Variants in KAZN observed in about 807,000 individuals in gnomAD.
KAZN encodes the protein kazrin, periplakin interacting protein.
Under a neutral mutation model 87.4 loss-of-function variants are expected in KAZN, and 40 were observed. The observed-to-expected ratio is 0.46, with a 90% CI of 0.36 to 0.60. The LOEUF (loss-of-function observed/expected upper bound fraction) is 0.60, where lower values mean the gene tolerates loss of function less well. Among genes scored for constraint, KAZN ranks in the 20% least tolerant of loss-of-function variants. The pLI, the probability that KAZN is intolerant of heterozygous loss-of-function variation, is 0.00. For synonymous variants in KAZN, 466 were observed against 458.3 expected, an observed-to-expected ratio of 1.02 and a Z score of -0.22; for missense variants, 898 against 1,073.9, an observed-to-expected ratio of 0.84 and a Z score of 2.29.
At chr1:14,701,341 G>C (rs1641909656) in intron 1 of KAZN, among the ~76,000 whole-genome samples, 2 of 152,180 alleles carry the variant, frequency 1.3e-5, no homozygotes, top group Admixed American at 1.3e-4. Context: ...ATGTTTCCCA[G>C]GCTGGTCGTG....
chr1:14,946,461 C>G (rs1661806544), intron 1 of KAZN, among the ~76,000 whole-genome samples: 2 of 152,036 alleles, frequency 1.3e-5, no homozygotes, highest in Non-Finnish European at 2.9e-5. Context: ...CCTCAGCCTC[C>G]CGAGTCACTG....
At chr1:14,834,476 C>T (rs2100897775) in intron 1 of KAZN, among the ~76,000 whole-genome samples, 1 of 151,736 alleles carries the variant, frequency 6.6e-6, no homozygotes, top group Admixed American at 6.6e-5. Context: ...ATTCTCCTGC[C>T]TCAGCCTCCC....
At chr1:14,630,321 G>C (rs905382095) in intron 1 of KAZN, among the ~76,000 whole-genome samples, 1 of 152,150 alleles carries the variant, frequency 6.6e-6, no homozygotes, top group Non-Finnish European at 1.5e-5. Context: ...GATGGTGGGG[G>C]GAATTTAACT....
rs903206917 is a variant in KAZN, at chr1:14,819,493, C to T, written c.227-141191C>T. On this transcript the variant is annotated intron_variant, in intron 1 of 14. Coordinates refer to ENST00000376030, the MANE Select transcript of KAZN (RefSeq NM_201628.3). The stretch of plus-strand genomic sequence containing the variant: ...CTCCTCCAACCAGTGGGCAGCCTTA[C>T]GAATAAAAACTGGTTTTCCCAAAAA... Among the ~76,000 whole-genome samples, 13 of 152,118 alleles carry T rather than the reference C, an allele frequency of 8.5e-5. 1 individual carries two copies. In the South Asian group the frequency reaches 1.5e-3, roughly 17 times the overall value.
At chr1:14,645,231 A>T (rs928363241) in intron 1 of KAZN, among the ~76,000 whole-genome samples, 3 of 152,070 alleles carry the variant, frequency 2.0e-5, no homozygotes, top group Non-Finnish European at 4.4e-5. Context: ...AAGTCAGGTA[A>T]CATGATGCCT....
chr1:15,043,261 G>A (rs1327007434), intron 3 of KAZN, among the ~76,000 whole-genome samples: 1 of 152,212 alleles, frequency 6.6e-6, no homozygotes, highest in Non-Finnish European at 1.5e-5. Context: ...GTTTCCCTGT[G>A]ATGAACACAA....
chr1:14,521,743 T>C (rs1020680082), intron 2 of KAZN, among the ~76,000 whole-genome samples: 1 of 152,096 alleles, frequency 6.6e-6, no homozygotes, highest in African/African-American at 2.4e-5. Flanking sequence ...CTTTGAAAAC[T>C]GGGGAAAGGG....
intron 2 of KAZN, among the ~76,000 whole-genome samples, chr1:14,542,371 C>T (rs2148497066): frequency 6.6e-6 from 1 of 151,562 alleles, no homozygotes; most frequent in East Asian, 1.9e-4. Context: ...GTGCAGCACA[C>T]CAACATGGCA....
At chr1:14,052,986 G>A (rs930539413) in intron 1 of KAZN, among the ~76,000 whole-genome samples, 3 of 152,152 alleles carry the variant, frequency 2.0e-5, no homozygotes, top group Admixed American at 6.5e-5. Flanking sequence ...CTGTGCCCTT[G>A]TGTATTCCCT....
At chr1:14,844,480 C>A (rs542773656) in intron 1 of KAZN, among the ~76,000 whole-genome samples, 1 of 152,314 alleles carries the variant, frequency 6.6e-6, no homozygotes, top group South Asian at 2.1e-4. Flanking sequence ...ATTTTCTCAG[C>A]TCCACTTTAC....
At chr1:14,578,511 G>A (rs146141773) in intron 2 of KAZN, among the ~76,000 whole-genome samples, 1 of 152,100 alleles carries the variant, frequency 6.6e-6, no homozygotes, top group Non-Finnish European at 1.5e-5. Flanking sequence ...CCTTGTGATC[G>A]CAAAGGTCAT....
At chr1:14,174,156 G>A (rs1395659219) in intron 1 of KAZN, among the ~76,000 whole-genome samples, 4 of 152,230 alleles carry the variant, frequency 2.6e-5, no homozygotes, top group Non-Finnish European at 4.4e-5. Context: ...GGGTGGTATA[G>A]GGAGGTCACA....
chr1:15,076,406 T>C (rs1334699718), intron 8 of KAZN, among the ~76,000 whole-genome samples: 3 of 152,210 alleles, frequency 2.0e-5, no homozygotes, highest in African/African-American at 7.2e-5. Flanking sequence ...TGAGGCTCAA[T>C]CCCAGCATCG....
intron 2 of KAZN, among the ~76,000 whole-genome samples, chr1:14,340,956 C>T (rs1334284964): frequency 8.0e-6 from 1 of 125,676 alleles, no homozygotes; most frequent in Non-Finnish European, 1.6e-5. Context: ...GGCACAATCT[C>T]GACTCACTGC....
chr1:14,993,265 C>G (rs1271778291), intron 2 of KAZN, among the ~76,000 whole-genome samples: 4 of 151,200 alleles, frequency 2.6e-5, no homozygotes, highest in Non-Finnish European at 4.4e-5. Context: ...GTCGGGAGTT[C>G]GAGACCAGCC....
chr1:14,370,249 A>G (rs916367563), intron 2 of KAZN, among the ~76,000 whole-genome samples: 2 of 152,160 alleles, frequency 1.3e-5, no homozygotes, highest in Admixed American at 6.5e-5. Context: ...GGAGAGGAAG[A>G]AGTGGGGAGG....
At chr1:14,299,257 C>G (rs930552164) in intron 2 of KAZN, among the ~76,000 whole-genome samples, 1 of 152,158 alleles carries the variant, frequency 6.6e-6, no homozygotes, top group Non-Finnish European at 1.5e-5. Flanking sequence ...AATCCCAGCC[C>G]TTTGGGAGGC....
intron 2 of KAZN, among the ~76,000 whole-genome samples, chr1:14,389,019 A>G (rs1662195166): frequency 6.6e-6 from 1 of 152,210 alleles, no homozygotes; most frequent in South Asian, 2.1e-4. Context: ...AAATCTAATA[A>G]TTTGATTAAA....
At chr1:14,391,967 A>T (rs1393292006) in intron 2 of KAZN, among the ~76,000 whole-genome samples, 1 of 152,152 alleles carries the variant, frequency 6.6e-6, no homozygotes. Context: ...CACTTCTCCA[A>T]ATCCCCACTT....
Sources: allele counts gnomAD v4.1 joint callset (sites outside exome capture counted in the v4.1 genomes callset), GRCh38; gene constraint gnomAD v4.1.1; transcripts MANE v1.5; gene names NCBI Gene and HGNC (gene_info 2026-07-23, HGNC 2026-07-21).